Variants in DAP observed in about 807,000 individuals in gnomAD.
DAP encodes death associated protein.
In DAP, 8 loss-of-function variants were observed where a neutral mutation model predicts 13.8. The observed-to-expected ratio is 0.58, with a 90% CI of 0.34 to 1.05. The LOEUF (loss-of-function observed/expected upper bound fraction) is 1.05. Ranked by LOEUF, DAP falls within the 50% of genes least tolerant of loss-of-function variation. DAP has a pLI of 0.03. For missense variants in DAP, 106 were observed against 133.2 expected (o/e 0.80, Z 1.01); for synonymous variants, 47 against 47.5 (o/e 0.99, Z 0.04).
At chr5:10,687,492 A>AG (rs1211409823) in intron 2 of DAP, among the ~76,000 whole-genome samples, 2 of 152,110 alleles carry the variant, frequency 1.3e-5, no homozygotes, top group African/African-American at 2.4e-5. Flanking sequence ...GGTAACTTTG[A>AG]GGGGGTTCAA....
intron 2 of DAP, among the ~76,000 whole-genome samples, chr5:10,696,134 T>C (rs1425214668): frequency 6.6e-6 from 1 of 152,186 alleles, no homozygotes; most frequent in African/African-American, 2.4e-5. Flanking sequence ...CTCTTCCCTA[T>C]TGTACCCCTT....
At position 10,683,289 on chromosome 5, in the gene DAP, G is replaced by A. The variant is rs138229419; in HGVS notation, c.195+240C>T. On this transcript the variant is annotated intron_variant, in intron 3 of 3. Coordinates refer to ENST00000230895, the MANE Select transcript of DAP (RefSeq NM_004394.3). ...TCACTGGTGGGAGGTCTGCGCTTAA[G>A]TCACAATGTTGGGTCTCACCAGACG... 509 of 588,978 alleles carry A rather than the reference G, an allele frequency of 8.6e-4. 1 individual carries two copies. Among genetic ancestry groups the A allele is most frequent in the Non-Finnish European group, 1.4e-3 (451 of 329,656 alleles). The allele number at this position is 588,978 out of a possible 1,614,324, so 36.5% of individuals were successfully genotyped here.
Position 10,761,231 on chromosome 5 carries a change from C to A in DAP, c.-163G>T, listed in dbSNP as rs147507510. The A allele has an allele frequency of 0.011, 2,516 of 221,896 alleles. 18 individuals are homozygous for A. Among genetic ancestry groups the A allele is most frequent in the Non-Finnish European group, 0.017 (2,047 of 118,598 alleles). 13.7% of individuals were successfully genotyped at this position (221,896 alleles called of 1,614,324 possible). The stretch of plus-strand genomic sequence containing the variant: ...GCGCGAGCCGGGTGAGTGCCACTGC[C>A]GTTAAGGGGGCGCGGCCGCCGCGCG... On this transcript the variant is annotated 5_prime_UTR_variant, in exon 1 of 4. Coordinates refer to ENST00000230895, the MANE Select transcript of DAP (RefSeq NM_004394.3).
At chr5:10,734,672 G>A (rs1739558917) in intron 2 of DAP, among the ~76,000 whole-genome samples, 1 of 152,166 alleles carries the variant, frequency 6.6e-6, no homozygotes, top group African/African-American at 2.4e-5. Context: ...CATTTCTACT[G>A]ATCATGCTAA....
intron 2 of DAP, among the ~76,000 whole-genome samples, chr5:10,721,271 A>G (rs1175038018): frequency 6.6e-6 from 1 of 152,192 alleles, no homozygotes; most frequent in Non-Finnish European, 1.5e-5. Context: ...ATCACCCCTA[A>G]TGATCCACTG....
intron 1 of DAP, among the ~76,000 whole-genome samples, chr5:10,748,943 C>T (rs1192419626): frequency 6.6e-6 from 1 of 152,218 alleles, no homozygotes; most frequent in Non-Finnish European, 1.5e-5. Flanking sequence ...AGGAGATTTT[C>T]ATCACCCCAA....
chr5:10,722,683 T>C (rs774093135), intron 2 of DAP, among the ~76,000 whole-genome samples: 4 of 151,708 alleles, frequency 2.6e-5, no homozygotes, highest in Non-Finnish European at 5.9e-5. Context: ...TGCTGGCTGC[T>C]ATACCCTGCC....
At chr5:10,695,799 T>A (rs1040327427) in intron 2 of DAP, among the ~76,000 whole-genome samples, 2 of 152,260 alleles carry the variant, frequency 1.3e-5, no homozygotes, top group Non-Finnish European at 2.9e-5. Flanking sequence ...AATATTTCTC[T>A]CCAGGTAGCA....
intron 2 of DAP, among the ~76,000 whole-genome samples, chr5:10,713,559 C>T (rs1382539927): frequency 6.6e-6 from 1 of 152,222 alleles, no homozygotes; most frequent in Non-Finnish European, 1.5e-5. Context: ...CACTTTCCAG[C>T]TAAGAAGCCC....
chr5:10,748,025 C>G (rs1561033884), intron 2 of DAP, 150 bp downstream of exon 2: 1 of 614,484 alleles, frequency 1.6e-6, no homozygotes, highest in South Asian at 2.0e-5. Context: ...ACAAAGCCCC[C>G]TCCTCCCTGA....
chr5:10,715,740 C>G (rs1039440695), intron 2 of DAP, among the ~76,000 whole-genome samples: 2 of 152,228 alleles, frequency 1.3e-5, no homozygotes, highest in African/African-American at 4.8e-5. Flanking sequence ...AAAGGGCAGG[C>G]TGCTGTAGGC....
In DAP at chr5:10,713,699, A is replaced by G. The variant is rs538458692; in HGVS notation, c.153-30128T>C. Among the ~76,000 whole-genome samples the G allele has an allele frequency of 2.2e-3, 336 of 152,326 alleles. 1 individual carries two copies. Among genetic ancestry groups the G allele is most frequent in the Middle Eastern group, 6.8e-3 (2 of 294 alleles). On this transcript the variant is annotated intron_variant, in intron 2 of 3. Transcript: ENST00000230895. ...GAGGCTGAGGTAAAGCTGGACCAGC[A>G]AGGAGCCGTCCCTCCAGCCAGCAGG...
intron 2 of DAP, among the ~76,000 whole-genome samples, chr5:10,718,488 A>C (rs1739054698): frequency 6.6e-6 from 1 of 152,218 alleles, no homozygotes; most frequent in Non-Finnish European, 1.5e-5. Flanking sequence ...AATCAAAAAC[A>C]ATATTGCATT....
intron 2 of DAP, among the ~76,000 whole-genome samples, chr5:10,722,962 C>A (rs1739196048): frequency 6.6e-6 from 1 of 152,166 alleles, no homozygotes. Context: ...ACCGAAAAAT[C>A]CTCTTTACAC....
chr5:10,735,992 T>G (rs1273173235), intron 2 of DAP, among the ~76,000 whole-genome samples: 4 of 152,206 alleles, frequency 2.6e-5, no homozygotes, highest in Non-Finnish European at 5.9e-5. Flanking sequence ...GAGGTCATAC[T>G]GGAGAAGGGT....
intron 2 of DAP, among the ~76,000 whole-genome samples, chr5:10,730,018 A>G (rs932185009): frequency 1.3e-5 from 2 of 152,206 alleles, no homozygotes; most frequent in Admixed American, 6.5e-5. Context: ...CGAAAATTCA[A>G]TCAGGCTGTC....
chr5:10,742,327 G>A (rs1444765065), intron 2 of DAP, among the ~76,000 whole-genome samples: 2 of 152,148 alleles, frequency 1.3e-5, no homozygotes, highest in African/African-American at 4.8e-5. Flanking sequence ...AAGGTCAGGA[G>A]TTCAAGACCA....
chr5:10,689,088 G>A (rs1019979342), intron 2 of DAP, among the ~76,000 whole-genome samples: 2 of 152,178 alleles, frequency 1.3e-5, no homozygotes, highest in East Asian at 1.9e-4. Flanking sequence ...ATCACGACAA[G>A]GGTGGGGTTC....
chr5:10,700,730 C>T (rs911377135), intron 2 of DAP, among the ~76,000 whole-genome samples: 8 of 152,184 alleles, frequency 5.3e-5, no homozygotes, highest in South Asian at 4.1e-4. Flanking sequence ...CAGATGGGGC[C>T]GGCCTTGCTG....
Sources: allele counts gnomAD v4.1 joint callset (sites outside exome capture counted in the v4.1 genomes callset), GRCh38; gene constraint gnomAD v4.1.1; transcripts MANE v1.5; gene names NCBI Gene and HGNC (gene_info 2026-07-23, HGNC 2026-07-21).